REV1: variants seen among roughly 807,000 people sequenced by gnomAD.
The protein encoded by REV1 is REV1 DNA directed polymerase.
Under a neutral mutation model 137.4 loss-of-function variants are expected in REV1, and 42 were observed. The observed-to-expected ratio is 0.31, with a 90% CI of 0.24 to 0.40. REV1 has a LOEUF of 0.40. Ranked by LOEUF, REV1 falls within the 10% of genes least tolerant of loss-of-function variation. REV1 has a pLI of 1.00. For missense variants in REV1, 1,282 were observed against 1,490.1 expected, an observed-to-expected ratio of 0.86 and a Z score of 2.30; for synonymous variants, 524 against 519.2, an observed-to-expected ratio of 1.01 and a Z score of -0.12.
At chr2:99,461,375 G>A (rs891415330) in intron 3 of REV1, among the ~76,000 whole-genome samples, 2 of 152,200 alleles carry the variant, frequency 1.3e-5, no homozygotes, top group Non-Finnish European at 2.9e-5. Context: ...CTCTTGTCCA[G>A]TAAACAGACA....
Position 99,408,059 on chromosome 2 carries a change from T to C in REV1, c.2418A>G (p.Thr806=), listed in dbSNP as rs1676594631. 1 of 1,605,838 alleles carries C rather than the reference T, an allele frequency of 6.2e-7. No homozygotes were observed. Among genetic ancestry groups the C allele is most frequent in the Admixed American group, 1.7e-5 (1 of 59,314 alleles). ...TCATATCTGATATATTTAGTTTCATTGTATGAAACATGTTTAGCATCGCCT... is the reference window on the plus strand; with the variant it reads ...TCATATCTGATATATTTAGTTTCATCGTATGAAACATGTTTAGCATCGCCT... ...IGKAMLNMFH[T]MKLNISDMRG... is the part of the protein sequence containing the mutation. Residue 806 remains threonine (T), a synonymous_variant, in exon 15 of 23, where the codon ACA becomes ACG. Transcript: ENST00000258428.
intron 1 of REV1, among the ~76,000 whole-genome samples, chr2:99,481,365 C>G (rs1400333492): frequency 6.6e-6 from 1 of 152,050 alleles, no homozygotes; most frequent in African/African-American, 2.4e-5. Context: ...GTGAATAACC[C>G]AAGTTTTAAA....
At chr2:99,473,758 C>T (rs375775490) in intron 1 of REV1, among the ~76,000 whole-genome samples, 143 of 152,268 alleles carry the variant, frequency 9.4e-4, no homozygotes, top group African/African-American at 3.3e-3. Context: ...ATTCAAAGAA[C>T]TTCAATCTAT....
Position 99,406,414 on chromosome 2 carries a change from G to A in REV1, c.2525C>T (p.Ser842Leu). Residue 842 changes from serine (S) to leucine (L), a missense_variant, in exon 16 of 23, where the codon TCA becomes TTA. Coordinates refer to ENST00000258428, the MANE Select transcript of REV1 (RefSeq NM_016316.4). ...STCPSRPSVQ[S>L]SHFPSGSYSV... ...GTATGACCCACTAGGAAAGTGGCTTGACTGAACTGATGGGCGACTGGGACA... is the reference window on the plus strand; with the variant it reads ...GTATGACCCACTAGGAAAGTGGCTTAACTGAACTGATGGGCGACTGGGACA... 1.2e-6 allele frequency: 2 copies of A among 1,613,894 alleles called. No homozygotes were observed. Among genetic ancestry groups the A allele is most frequent in the Non-Finnish European group, 8.5e-7 (1 of 1,179,828 alleles).
In REV1 at chr2:99,458,991, G is replaced by A. The variant is rs563556159; in HGVS notation, c.181+3505C>T. On this transcript the variant is annotated intron_variant, in intron 3 of 22. Transcript: ENST00000258428. ...TGGGAGGCCAAGGTGGGCAGATCAC[G>A]AGGTCAGGAGATCAAGACCATACTG... 7.9e-5 allele frequency among the ~76,000 whole-genome samples: 12 copies of A among 152,028 alleles called. No individual in the cohort carries two copies. The South Asian group carries it at 8.3e-4, about 11-fold the overall frequency.
intron 1 of REV1, among the ~76,000 whole-genome samples, chr2:99,481,989 G>A (rs1300301320): frequency 6.6e-6 from 1 of 152,230 alleles, no homozygotes; most frequent in African/African-American, 2.4e-5. Flanking sequence ...GCCCACAGCT[G>A]AGTTTCTATT....
chr2:99,476,293 C>A (rs1402622842), intron 1 of REV1, among the ~76,000 whole-genome samples: 3 of 152,160 alleles, frequency 2.0e-5, no homozygotes, highest in Non-Finnish European at 4.4e-5. Flanking sequence ...AGCAGTGACT[C>A]ACGCCTGTAA....
At chr2:99,424,009 ACTGGG>A in intron 10 of REV1, 138 bp downstream of exon 10, 2 of 841,912 alleles carry the variant, frequency 2.4e-6, no homozygotes, top group Non-Finnish European at 3.5e-6. Flanking sequence ...AAGGTCTCAA[ACTGGG>A]ATGCTGAGGA....
chr2:99,451,366 A>T (rs935615835), intron 3 of REV1: 2 of 1,284,810 alleles, frequency 1.6e-6, no homozygotes, highest in African/African-American at 3.1e-5. Flanking sequence ...CTGCTCTTTG[A>T]AAACTAATTA....
chr2:99,445,083 T>C (rs557175901), intron 4 of REV1, among the ~76,000 whole-genome samples: 170 of 152,210 alleles, frequency 1.1e-3, no homozygotes, highest in Middle Eastern at 3.4e-3. Flanking sequence ...TTCATCTATT[T>C]TGGGAAGTCT....
chr2:99,490,071 T>C, upstream of REV1: 1 of 42,480 alleles, frequency 2.4e-5, no homozygotes, highest in Non-Finnish European at 4.6e-5. Flanking sequence ...CCCCTAGCGT[T>C]CCGCGCGCGC....
At chr2:99,402,415 A>T in intron 21 of REV1, 69 bp from the exon 22 acceptor site, 2 of 859,088 alleles carry the variant, frequency 2.3e-6, no homozygotes, top group South Asian at 3.1e-5. Flanking sequence ...ATCTGCATGG[A>T]TAAAGGAAAA....
intron 9 of REV1, among the ~76,000 whole-genome samples, chr2:99,428,228 A>G (rs947230006): frequency 2.6e-4 from 40 of 152,348 alleles, no homozygotes; most frequent in African/African-American, 8.9e-4. Flanking sequence ...CACACCCTCC[A>G]GATACTGCAC....
At position 99,412,884 on chromosome 2, in the gene REV1, A is replaced by G; in HGVS notation, c.2019T>C (p.Tyr673=). The part of the protein sequence containing the change: ...LGIKTCGDLQ[Y]MTMAKLQKEF... Reference sequence around the variant, plus strand: ...CTTTTTGGAGTTTTGCCATGGTCATATACTGCAAGTCTCCACAAGTTTTAA... The same window carrying G: ...CTTTTTGGAGTTTTGCCATGGTCATGTACTGCAAGTCTCCACAAGTTTTAA... The change falls in exon 13 of 23, where the codon TAT becomes TAC. Residue 673 remains tyrosine, a synonymous_variant. Coordinates refer to ENST00000258428, the MANE Select transcript of REV1 (RefSeq NM_016316.4). 6.2e-7 allele frequency: 1 copy of G among 1,614,162 alleles called. No homozygotes were observed.
chr2:99,484,524 C>T (rs1575266720), intron 1 of REV1, among the ~76,000 whole-genome samples: 1 of 152,156 alleles, frequency 6.6e-6, no homozygotes, highest in East Asian at 1.9e-4. Flanking sequence ...ATATGCAAAA[C>T]CTTTTCAAAC....
intron 8 of REV1, among the ~76,000 whole-genome samples, chr2:99,433,764 C>T (rs746052291): frequency 1.3e-5 from 2 of 152,054 alleles, no homozygotes; most frequent in Admixed American, 6.6e-5. Context: ...TGAATTTACT[C>T]AGGGGAAAAA....
chr2:99,463,317 C>T (rs1218689134), intron 2 of REV1, among the ~76,000 whole-genome samples: 2 of 151,900 alleles, frequency 1.3e-5, no homozygotes, highest in African/African-American at 4.8e-5. Flanking sequence ...GTCAGGAGTT[C>T]GAGATCAGCC....
intron 10 of REV1, 96 bp downstream of exon 10, chr2:99,424,056 G>A: frequency 7.7e-7 from 1 of 1,305,112 alleles, no homozygotes; most frequent in Non-Finnish European, 1.0e-6. Flanking sequence ...TCTAACAAAA[G>A]TGATCCTGAC....
chr2:99,452,473 T>A (rs958167205), intron 3 of REV1, among the ~76,000 whole-genome samples: 4 of 149,952 alleles, frequency 2.7e-5, no homozygotes, highest in Non-Finnish European at 3.0e-5. Flanking sequence ...ATATCCAACA[T>A]CATGAAAGCT....
Sources: gnomAD v4.1 joint callset for allele counts (sites outside exome capture counted in the v4.1 genomes callset) on GRCh38, gnomAD v4.1.1 for gene constraint, MANE v1.5 for transcripts, NCBI Gene and HGNC (gene_info 2026-07-23, HGNC 2026-07-21) for gene names.